Variants in FAM210A observed in about 807,000 individuals in gnomAD.
FAM210A encodes the protein family with sequence similarity 210 member A.
A neutral mutation model predicts 25.3 loss-of-function variants in FAM210A; 13 were observed. That is an observed-to-expected ratio of 0.51 (90% CI 0.33 to 0.82). The LOEUF is 0.82. Ranked by LOEUF, FAM210A falls within the 40% of genes least tolerant of loss-of-function variation. The pLI is 0.02. For missense variants in FAM210A, 319 were observed against 323.2 expected, an observed-to-expected ratio of 0.99 and a Z score of 0.10; for synonymous variants, 125 against 118.7, an observed-to-expected ratio of 1.05 and a Z score of -0.35.
rs905846153 is a variant in FAM210A, at chr18:13,663,834, T to C, written c.*2646A>G. 5 of 151,946 alleles carry C rather than the reference T, an allele frequency of 3.3e-5. No homozygotes were observed. Among genetic ancestry groups the C allele is most frequent in the Non-Finnish European group, 7.4e-5 (5 of 68,008 alleles). The allele number at this position is 151,946 out of a possible 1,614,324, so 9.4% of individuals were successfully genotyped here. A position where few individuals can be genotyped will look rare whatever the true frequency, so the allele number is the denominator to read the frequency against. Reference sequence around the variant, plus strand: ...TGTCTCAAAAAAATAAATATAAATATAAATATAAATGTAGACATGTAAGAC... The same window carrying C: ...TGTCTCAAAAAAATAAATATAAATACAAATATAAATGTAGACATGTAAGAC... On this transcript the variant is annotated 3_prime_UTR_variant, in exon 4 of 4. Coordinates refer to ENST00000651643, the MANE Select transcript of FAM210A (RefSeq NM_152352.4).
chr18:13,692,508 A>C (rs1317065734), intron 1 of FAM210A, among the ~76,000 whole-genome samples: 1 of 152,210 alleles, frequency 6.6e-6, no homozygotes, highest in Non-Finnish European at 1.5e-5. Context: ...TTGGAAGTAA[A>C]GCACTCCTCA....
intron 2 of FAM210A, among the ~76,000 whole-genome samples, chr18:13,677,479 TCAGAA>T (rs1023571472): frequency 6.6e-6 from 1 of 152,134 alleles, no homozygotes; most frequent in Non-Finnish European, 1.5e-5. Context: ...GCACCAGTAA[TCAGAA>T]CAGAACAGAA....
chr18:13,718,655 C>T (rs1278194756), intron 1 of FAM210A, among the ~76,000 whole-genome samples: 1 of 152,116 alleles, frequency 6.6e-6, no homozygotes, highest in Non-Finnish European at 1.5e-5. Flanking sequence ...AATTTCATTT[C>T]TATCTTCTAT....
intron 1 of FAM210A, among the ~76,000 whole-genome samples, chr18:13,692,045 G>C (rs1428902163): frequency 7.2e-6 from 1 of 138,782 alleles, no homozygotes; most frequent in East Asian, 2.1e-4. Flanking sequence ...TCAAAATAAA[G>C]GGATGGAGGA....
chr18:13,674,941 C>CTTCT (rs2043479354), intron 2 of FAM210A, among the ~76,000 whole-genome samples: 1 of 141,712 alleles, frequency 7.1e-6, no homozygotes, highest in African/African-American at 2.6e-5. Flanking sequence ...TGAGCCGTGA[C>CTTCT]TTATTTCCAG....
intron 1 of FAM210A, among the ~76,000 whole-genome samples, chr18:13,685,294 A>ATT (rs71174190): frequency 0.015 from 2,225 of 143,766 alleles, 43 homozygotes; most frequent in African/African-American, 0.051. Flanking sequence ...CTGCAAAGCC[A>ATT]TTTTTTTTTT....
At chr18:13,674,184 T>C (rs1239509959) in intron 2 of FAM210A, among the ~76,000 whole-genome samples, 2 of 148,612 alleles carry the variant, frequency 1.3e-5, no homozygotes, top group Admixed American at 6.6e-5. Context: ...GAGCCCTGGC[T>C]TCTTTATTTC....
chr18:13,673,713 A>C (rs2043464617), intron 2 of FAM210A, among the ~76,000 whole-genome samples: 1 of 148,914 alleles, frequency 6.7e-6, no homozygotes, highest in Non-Finnish European at 1.5e-5. Context: ...TTTCCTGATT[A>C]TTAACATTCC....
At chr18:13,695,408 T>C (rs2043683651) in intron 1 of FAM210A, among the ~76,000 whole-genome samples, 1 of 152,214 alleles carries the variant, frequency 6.6e-6, no homozygotes, top group South Asian at 2.1e-4. Context: ...TAAAGACACA[T>C]GCACACGTAT....
At chr18:13,691,659 A>G (rs907915905) in intron 1 of FAM210A, among the ~76,000 whole-genome samples, 14 of 151,430 alleles carry the variant, frequency 9.2e-5, no homozygotes, top group Non-Finnish European at 1.6e-4. Context: ...ACTAAGCTTC[A>G]TAAGTGAAGG....
intron 1 of FAM210A, among the ~76,000 whole-genome samples, chr18:13,698,923 T>G (rs561472448): frequency 2.0e-5 from 3 of 152,296 alleles, no homozygotes; most frequent in South Asian, 4.1e-4. Context: ...CATAAATGCC[T>G]GCAGTTGCTG....
intron 3 of FAM210A, among the ~76,000 whole-genome samples, chr18:13,670,167 G>C (rs2043430217): frequency 6.6e-6 from 1 of 152,058 alleles, no homozygotes; most frequent in Non-Finnish European, 1.5e-5. Context: ...TGAGTTCCTG[G>C]GAGCTCCTAA....
In FAM210A at chr18:13,666,423, C is replaced by A. The variant is rs2043401548; in HGVS notation, c.*57G>T. ...AATAATCAGACACATGTATCTTTGC[C>A]CATAGTTTCCAAAGGGTTAAAGTGC... On this transcript the variant is annotated 3_prime_UTR_variant, in exon 4 of 4. Transcript: ENST00000651643. 2 of 1,376,392 alleles carry A rather than the reference C, an allele frequency of 1.5e-6. No homozygotes were observed. Among genetic ancestry groups the A allele is most frequent in the South Asian group, 1.3e-5 (1 of 78,162 alleles). The allele number at this position is 1,376,392 out of a possible 1,614,324, so 85.3% of individuals were successfully genotyped here.
chr18:13,694,522 T>C (rs1267971034), intron 1 of FAM210A, among the ~76,000 whole-genome samples: 1 of 152,162 alleles, frequency 6.6e-6, no homozygotes, highest in African/African-American at 2.4e-5. Context: ...AACAGAGATA[T>C]TGACCAATGG....
intron 1 of FAM210A, among the ~76,000 whole-genome samples, chr18:13,703,118 T>C (rs1443892634): frequency 1.3e-5 from 2 of 152,336 alleles, no homozygotes; most frequent in African/African-American, 4.8e-5. Flanking sequence ...ATAGATTTCT[T>C]TCAACATCTA....
At chr18:13,693,884 C>A (rs888356890) in intron 1 of FAM210A, among the ~76,000 whole-genome samples, 8 of 152,132 alleles carry the variant, frequency 5.3e-5, no homozygotes, top group African/African-American at 1.9e-4. Flanking sequence ...CTGGCCAGGG[C>A]AGTCAGGCAA....
Position 13,713,722 on chromosome 18 carries a change from T to C in FAM210A, c.-29+12607A>G, listed in dbSNP as rs905616744. Among the ~76,000 whole-genome samples, 95 of 11,554 alleles carry C rather than the reference T, an allele frequency of 8.2e-3. 1 individual carries two copies. The highest frequency in any genetic ancestry group is 0.021 in the Admixed American group (22 of 1,034). The allele number at this position is 11,554 out of a possible 152,430, so 7.6% of individuals were successfully genotyped here. A position where few individuals can be genotyped will look rare whatever the true frequency, so the allele number is the denominator to read the frequency against. On this transcript the variant is annotated intron_variant, in intron 1 of 3. Transcript: ENST00000651643. ...TTAGTAGCGGGGAAGTATGTCACTATAAAACACACACACACACACACACAC... is the reference window on the plus strand; with the variant it reads ...TTAGTAGCGGGGAAGTATGTCACTACAAAACACACACACACACACACACAC...
intron 1 of FAM210A, among the ~76,000 whole-genome samples, chr18:13,725,100 G>T (rs2043928139): frequency 6.6e-6 from 1 of 152,120 alleles, no homozygotes; most frequent in Admixed American, 6.5e-5. Context: ...GTTTTTAAAA[G>T]TCAAAATTAC....
intron 1 of FAM210A, among the ~76,000 whole-genome samples, chr18:13,696,242 TG>T (rs2043692561): frequency 6.6e-6 from 1 of 152,192 alleles, no homozygotes. Flanking sequence ...GAAGTTTATA[TG>T]GAAAGCCAAA....
Sources: allele counts gnomAD v4.1 joint callset (sites outside exome capture counted in the v4.1 genomes callset), GRCh38; gene constraint gnomAD v4.1.1; transcripts MANE v1.5; gene names NCBI Gene and HGNC (gene_info 2026-07-23, HGNC 2026-07-21).